The following RPAP3 variants were observed in gnomAD, a reference collection of about 807,000 sequenced individuals.
The protein encoded by RPAP3 is RNA polymerase II-associated protein 3.
Under a neutral mutation model 88.8 loss-of-function variants are expected in RPAP3, and 58 were observed. The observed-to-expected ratio is 0.65, with a 90% CI of 0.53 to 0.81. The LOEUF is 0.81. RPAP3 is among the 40% of genes least tolerant of loss of function. RPAP3 has a pLI of 0.00. For synonymous variants in RPAP3, 255 were observed against 259.9 expected (o/e 0.98, Z 0.18); for missense variants, 751 against 764.3 (o/e 0.98, Z 0.20).
rs367995387 is a variant in RPAP3, at chr12:47,690,566, G to A, written c.619C>T (p.Arg207Ter). Residue 207 changes from arginine (R) to a stop codon, truncating the protein, a stop_gained, in exon 6 of 17, where the codon CGA becomes TGA. Transcript: ENST00000005386. LOFTEE classifies it high-confidence loss of function. ...NRSYTKAYSR[R>*]GAARFALQKL... The stretch of plus-strand genomic sequence containing the variant: ...TGCAAAGCAAATCGAGCAGCACCTC[G>A]TCTGGAATAAGCCTTTGTATAACTT... 23 of 1,604,092 alleles carry A rather than the reference G, an allele frequency of 1.4e-5. No homozygotes were observed. The highest frequency in any genetic ancestry group is 4.5e-5 in the South Asian group (4 of 88,584).
At chr12:47,678,170 T>C (rs931342103) in intron 12 of RPAP3, among the ~76,000 whole-genome samples, 1 of 152,176 alleles carries the variant, frequency 6.6e-6, no homozygotes, top group Non-Finnish European at 1.5e-5. Context: ...ATTTAATAAA[T>C]GGTGCTGGGA....
intron 10 of RPAP3, among the ~76,000 whole-genome samples, chr12:47,680,460 A>G (rs958705972): frequency 2.6e-5 from 4 of 151,746 alleles, no homozygotes; most frequent in Admixed American, 2.0e-4. Context: ...TTAACGTTAC[A>G]TATTTTTTTT....
Position 47,663,544 on chromosome 12 carries a change from A to C in RPAP3, c.1959T>G (p.Asp653Glu), listed in dbSNP as rs754355096. 1 of 1,591,390 alleles carries C rather than the reference A, an allele frequency of 6.3e-7. No homozygotes were observed. Among genetic ancestry groups the C allele is most frequent in the Non-Finnish European group, 8.5e-7 (1 of 1,170,052 alleles). Residue 653 changes from aspartate (D) to glutamate (E), a missense_variant, in exon 17 of 17, where the codon GAT becomes GAG. Transcript: ENST00000005386. ...FNHIDKSGLKDSSVEELKKRY... is the reference protein window; with the variant it reads ...FNHIDKSGLKESSVEELKKRY... ...TTTTCTTGAGTTCTTCGACAGAACT[A>C]TCCTTCAATCCTGACTTGTCTATGT...
At chr12:47,702,655 T>C (rs779215871) in intron 2 of RPAP3, 33 bp downstream of exon 2, 13 of 1,482,486 alleles carry the variant, frequency 8.8e-6, no homozygotes, top group Non-Finnish European at 1.2e-5. Context: ...AAAATTAGTT[T>C]TGGTGGATCT....
chr12:47,701,741 A>AC, intron 2 of RPAP3, 137 bp from the exon 3 acceptor site: 1 of 538,216 alleles, frequency 1.9e-6, no homozygotes. Flanking sequence ...AGACCAATTT[A>AC]CCACCTTCAC....
chr12:47,689,190 C>A lies in RPAP3; in HGVS notation c.673G>T (p.Glu225Ter). 1 of 1,358,834 alleles carries A rather than the reference C, an allele frequency of 7.4e-7. No individual in the cohort carries two copies. Among genetic ancestry groups the A allele is most frequent in the Non-Finnish European group, 1.0e-6 (1 of 973,908 alleles). 84.2% of individuals were successfully genotyped at this position (1,358,834 alleles called of 1,614,324 possible). A position where few individuals can be genotyped will look rare whatever the true frequency, so the allele number is the denominator to read the frequency against. ...QKLEEAKKDY[E>*]RVLELEPNNF... The stretch of plus-strand genomic sequence containing the variant: ...TTTGGTTCTAGTTCTAATACTCTTT[C>A]ATAATCTAAGTAAAAGAGAAGATAA... The change falls in exon 7 of 17, where the codon GAA becomes TAA. Residue 225 changes from glutamate to a stop codon, truncating the protein, a stop_gained. Transcript: ENST00000005386. LOFTEE classifies it high-confidence loss of function.
chr12:47,671,841 G>A (rs1939005060), intron 12 of RPAP3, among the ~76,000 whole-genome samples: 2 of 152,106 alleles, frequency 1.3e-5, no homozygotes, highest in South Asian at 4.1e-4. Context: ...AAGGACTGTG[G>A]GGAAGAACAG....
rs1163946304 is a variant in RPAP3, at chr12:47,662,946, A to G, written c.*559T>C. The G allele has an allele frequency of 6.6e-6, 1 of 152,322 alleles. No individual in the cohort carries two copies. Among genetic ancestry groups the G allele is most frequent in the Non-Finnish European group, 1.5e-5 (1 of 68,108 alleles). The allele number at this position is 152,322 out of a possible 1,614,324, so 9.4% of individuals were successfully genotyped here. ...AACCCTATGGCATTAAAATGTAAGA[A>G]TACTGTGATACTTCAATTAACCTAG... is the stretch of plus-strand genomic sequence containing the variant. On this transcript the variant is annotated 3_prime_UTR_variant, in exon 17 of 17. Transcript: ENST00000005386.
intron 3 of RPAP3, among the ~76,000 whole-genome samples, chr12:47,700,588 T>C (rs766018325): frequency 5.3e-5 from 8 of 152,190 alleles, no homozygotes; most frequent in East Asian, 1.9e-4. Flanking sequence ...CAGTGCAGAA[T>C]AGGGCTGGCC....
Position 47,679,753 on chromosome 12 carries a change from A to C in RPAP3, c.1136T>G (p.Leu379Arg). ...AKQDFETVLL[L>R]EPGNKQAVTE... ...TACTGCTTGCTTATTTCCAGGTTCC[A>C]GAAGTAAAACAGTTTCAAAATCTAA... is the stretch of plus-strand genomic sequence containing the variant. Residue 379 changes from leucine to arginine, a missense_variant, in exon 11 of 17, where the codon CTG becomes CGG. Physicochemically the swap from Leu to Arg is moderately radical, Grantham distance 102. Coordinates refer to ENST00000005386, the MANE Select transcript of RPAP3 (RefSeq NM_024604.3). The C allele has an allele frequency of 6.2e-7, 1 of 1,606,996 alleles. No homozygotes were observed. Among genetic ancestry groups the C allele is most frequent in the Non-Finnish European group, 8.5e-7 (1 of 1,176,140 alleles).
intron 5 of RPAP3, among the ~76,000 whole-genome samples, chr12:47,691,853 C>T (rs1342344882): frequency 1.3e-5 from 2 of 151,974 alleles, no homozygotes; most frequent in African/African-American, 2.4e-5. Flanking sequence ...TCACGCCATT[C>T]TCCTGCCTCA....
chr12:47,678,185 T>C (rs1939153926), intron 12 of RPAP3, among the ~76,000 whole-genome samples: 1 of 152,222 alleles, frequency 6.6e-6, no homozygotes, highest in Non-Finnish European at 1.5e-5. Flanking sequence ...CTGGGAAAAC[T>C]GGCTAGCCAT....
intron 6 of RPAP3, among the ~76,000 whole-genome samples, chr12:47,690,217 C>T (rs1372126046): frequency 6.6e-6 from 1 of 152,094 alleles, no homozygotes; most frequent in Non-Finnish European, 1.5e-5. Context: ...TACCTCTTGC[C>T]TCACTAAAGC....
chr12:47,699,846 C>T (rs1036883860), intron 3 of RPAP3: 5 of 152,074 alleles, frequency 3.3e-5, no homozygotes, highest in African/African-American at 1.2e-4. Context: ...ATAATGACAG[C>T]AAAAGAAGCC....
chr12:47,669,827 A>C (rs1414062175), intron 13 of RPAP3, among the ~76,000 whole-genome samples: 1 of 152,228 alleles, frequency 6.6e-6, no homozygotes, highest in African/African-American at 2.4e-5. Context: ...CTAAATAATA[A>C]AACTGAAATC....
chr12:47,663,537 C>G lies in RPAP3; in HGVS notation c.1966G>C (p.Val656Leu). 6.3e-7 allele frequency: 1 copy of G among 1,591,596 alleles called. No homozygotes were observed. The highest frequency in any genetic ancestry group is 1.2e-5 in the South Asian group (1 of 86,754). ...CCGTATCTTTTCTTGAGTTCTTCGA[C>G]AGAACTATCCTTCAATCCTGACTTG... The part of the protein sequence containing the change: ...IDKSGLKDSS[V>L]EELKKRYGG Residue 656 changes from valine to leucine, a missense_variant, in exon 17 of 17, where the codon GTC becomes CTC. Val to Leu is a conservative substitution (Grantham distance 32). Transcript: ENST00000005386.
chr12:47,698,866 A>G (rs1939589509), intron 3 of RPAP3, among the ~76,000 whole-genome samples: 1 of 152,258 alleles, frequency 6.6e-6, no homozygotes, highest in Non-Finnish European at 1.5e-5. Context: ...TGTAAACAAA[A>G]TTCTTTTTGC....
chr12:47,683,600 T>C (rs186611994), intron 9 of RPAP3, among the ~76,000 whole-genome samples: 33 of 152,324 alleles, frequency 2.2e-4, no homozygotes, highest in African/African-American at 6.5e-4. Context: ...TCTTTGAAAA[T>C]AGACTCACCT....
In RPAP3 at chr12:47,687,865, C is replaced by A; in HGVS notation, c.864+11G>T. 6.2e-7 allele frequency: 1 copy of A among 1,611,950 alleles called. No individual in the cohort carries two copies. Among genetic ancestry groups the A allele is most frequent in the Non-Finnish European group, 8.5e-7 (1 of 1,178,998 alleles). On this transcript the variant is annotated intron_variant, in intron 8 of 16. Transcript: ENST00000005386. ...ACATATACATTGTACGTTGGAATAG[C>A]TTTGGATTACCCGATCTTTCTCTGA...
Sources: allele counts gnomAD v4.1 joint callset (sites outside exome capture counted in the v4.1 genomes callset), GRCh38; gene constraint gnomAD v4.1.1; transcripts MANE v1.5; gene names NCBI Gene and HGNC (gene_info 2026-07-23, HGNC 2026-07-21).